P2RY11: variants seen among roughly 807,000 people sequenced by gnomAD.
P2RY11 encodes P2Y purinoceptor 11.
A neutral mutation model predicts 2.4 loss-of-function variants in P2RY11; 3 were observed. That is an observed-to-expected ratio of 1.22 (90% CI 0.56 to 3.17). The LOEUF (loss-of-function observed/expected upper bound fraction) is 3.17, where lower values mean the gene tolerates loss of function less well. P2RY11 is among the 30% of genes most tolerant of loss of function. The pLI is 0.03. For synonymous variants in P2RY11, 307 were observed against 237.3 expected, an observed-to-expected ratio of 1.29 and a Z score of -2.70; for missense variants, 670 against 528.2, an observed-to-expected ratio of 1.27 and a Z score of -2.63.
chr19:10,113,104 C>T (rs926037871), intron 1 of P2RY11, among the ~76,000 whole-genome samples: 1 of 152,082 alleles, frequency 6.6e-6, no homozygotes, highest in Non-Finnish European at 1.5e-5. Context: ...TGGGGTGAGT[C>T]TGGCTTTTTG....
chr19:10,114,385 G>T lies in P2RY11; in HGVS notation c.772G>T (p.Ala258Ser), dbSNP rs1231853630. 6.2e-7 allele frequency: 1 copy of T among 1,608,446 alleles called. No individual in the cohort carries two copies. Residue 258 changes from alanine (A) to serine (S), a missense_variant, in exon 2 of 2, where the codon GCC becomes TCC. Ala to Ser is a moderately conservative substitution (Grantham distance 99, BLOSUM62 1). Coordinates refer to ENST00000321826, the MANE Select transcript of P2RY11 (RefSeq NM_002566.5). Reference sequence around the variant, plus strand: ...GGTGGCCAGTGGTGTGGCCCTCTACGCCAGCTCCTATGTGCCCTACCACAT... The same window carrying T: ...GGTGGCCAGTGGTGTGGCCCTCTACTCCAGCTCCTATGTGCCCTACCACAT... ...ALVASGVALY[A>S]SSYVPYHIMR...
Position 10,114,952 on chromosome 19 carries a change from A to G in P2RY11, c.*214A>G. 7.1e-7 allele frequency: 1 copy of G among 1,399,676 alleles called. No individual in the cohort carries two copies. The allele number at this position is 1,399,676 out of a possible 1,614,324, so 86.7% of individuals were successfully genotyped here. On this transcript the variant is annotated 3_prime_UTR_variant, in exon 2 of 2. Transcript: ENST00000321826. ...CAGGGTCAGGGACCAGACCACGCCC[A>G]GAGGAGGGGAGGCACTGGCCCCCGC...
intron 1 of P2RY11, 97 bp downstream of exon 1, chr19:10,111,837 C>T (rs2089090419): frequency 4.3e-6 from 6 of 1,391,676 alleles, no homozygotes; most frequent in Non-Finnish European, 6.0e-6. Flanking sequence ...TGGGGCTGGG[C>T]ACGGTGGCTC....
intron 1 of P2RY11, among the ~76,000 whole-genome samples, chr19:10,113,008 G>A (rs1202392932): frequency 6.6e-6 from 1 of 152,116 alleles, no homozygotes; most frequent in Non-Finnish European, 1.5e-5. Context: ...GGAAGCCTGG[G>A]TGGGCTGGTG....
rs1599324309 is a variant in P2RY11 at position 10,115,333 on chromosome 19, T to G, written c.*595T>G. ...CAAGAGCTGCCACCCCTCTGCCCGG[T>G]TTTGGAAAAAAACAATAAAGGACTG... On this transcript the variant is annotated 3_prime_UTR_variant, in exon 2 of 2. Coordinates refer to ENST00000321826, the MANE Select transcript of P2RY11 (RefSeq NM_002566.5). 1 of 1,165,166 alleles carries G rather than the reference T, an allele frequency of 8.6e-7. No homozygotes were observed. Among genetic ancestry groups the G allele is most frequent in the South Asian group, 1.6e-5 (1 of 62,966 alleles). 72.2% of individuals were successfully genotyped at this position (1,165,166 alleles called of 1,614,324 possible).
chr19:10,115,246 G>T lies in P2RY11; in HGVS notation c.*508G>T. The T allele has an allele frequency of 2.2e-6, 3 of 1,366,996 alleles. No homozygotes were observed. In the South Asian group the frequency reaches 4.1e-5, roughly 19 times the overall value. 84.7% of individuals were successfully genotyped at this position (1,366,996 alleles called of 1,614,324 possible). A position where few individuals can be genotyped will look rare whatever the true frequency, so the allele number is the denominator to read the frequency against. ...GGACGGGGTAATGTGAGGACGAAGC[G>T]GGCACGGAGCCAGATGGCCAGTCTC... On this transcript the variant is annotated 3_prime_UTR_variant, in exon 2 of 2. Transcript: ENST00000321826.
At chr19:10,112,778 T>C (rs2089135298) in intron 1 of P2RY11, among the ~76,000 whole-genome samples, 1 of 152,068 alleles carries the variant, frequency 6.6e-6, no homozygotes, top group Non-Finnish European at 1.5e-5. Flanking sequence ...CTACTAAAAA[T>C]GCAAAATTTA....
intron 1 of P2RY11, chr19:10,111,961 T>C (rs1044055263): frequency 3.8e-6 from 2 of 522,714 alleles, no homozygotes; most frequent in Non-Finnish European, 3.5e-6. Flanking sequence ...AATAAAAAAA[T>C]TAGCTGGGCC....
intron 1 of P2RY11, chr19:10,112,134 T>G: frequency 5.3e-6 from 1 of 190,416 alleles, no homozygotes; most frequent in Non-Finnish European, 1.1e-5. Flanking sequence ...AGGTCAAGGC[T>G]GGGTGTGGTG....
chr19:10,115,175 C>T lies in P2RY11; in HGVS notation c.*437C>T, dbSNP rs373314436. ...AGGTATAAGACTTCTGGGGGCACCC[C>T]AAGACCCCAGACACCCAAGTGGCAT... On this transcript the variant is annotated 3_prime_UTR_variant, in exon 2 of 2. Coordinates refer to ENST00000321826, the MANE Select transcript of P2RY11 (RefSeq NM_002566.5). The T allele has an allele frequency of 6.2e-7, 1 of 1,609,030 alleles. No individual in the cohort carries two copies. Among genetic ancestry groups the T allele is most frequent in the Non-Finnish European group, 8.5e-7 (1 of 1,177,646 alleles).
intron 1 of P2RY11, chr19:10,112,045 G>C (rs955333439): frequency 3.0e-6 from 1 of 332,394 alleles, no homozygotes; most frequent in East Asian, 7.1e-5. Context: ...GGGAGGCGGA[G>C]GTTGCCATGA....
At chr19:10,112,770 A>C (rs1245162145) in intron 1 of P2RY11, among the ~76,000 whole-genome samples, 1 of 152,116 alleles carries the variant, frequency 6.6e-6, no homozygotes, top group Non-Finnish European at 1.5e-5. Flanking sequence ...CCCCATCTCT[A>C]CTAAAAATGC....
rs1229239323 is a variant in P2RY11 at position 10,113,659 on chromosome 19, T to G, written c.46T>G (p.Leu16Val). The G allele has an allele frequency of 1.9e-6, 3 of 1,612,390 alleles. No individual in the cohort carries two copies. The stretch of plus-strand genomic sequence containing the variant: ...TGCCAAGTCCTGCCCTGCCAACTTC[T>G]TGGCAGCTGCCGACGACAAACTCAG... ...SGAKSCPANF[L>V]AAADDKLSGF... Residue 16 changes from leucine to valine, a missense_variant, in exon 2 of 2, where the codon TTG (leucine) becomes GTG (valine). Coordinates refer to ENST00000321826, the MANE Select transcript of P2RY11 (RefSeq NM_002566.5).
At position 10,115,195 on chromosome 19, in the gene P2RY11, T is replaced by A. The variant is rs1453244102; in HGVS notation, c.*457T>A. ...CACCCCAAGACCCCAGACACCCAAG[T>A]GGCATCTTGGGGGTGGGTGGGCAGA... On this transcript the variant is annotated 3_prime_UTR_variant, in exon 2 of 2. Transcript: ENST00000321826. 2 of 1,587,492 alleles carry A rather than the reference T, an allele frequency of 1.3e-6. No individual in the cohort carries two copies. The highest frequency in any genetic ancestry group is 1.7e-6 in the Non-Finnish European group (2 of 1,163,344).
rs139458920 is a variant in P2RY11 at position 10,113,847 on chromosome 19, C to T, written c.234C>T (p.Cys78=). The stretch of plus-strand genomic sequence containing the variant: ...AGCTGGCAGTCAGCGACCTGCTCTG[C>T]GCCCTGACGCTGCCCCCGCTGGCCG... ...SVQLAVSDLL[C]ALTLPPLAAY... Residue 78 remains cysteine, a synonymous_variant, in exon 2 of 2, where the codon TGC becomes TGT. Coordinates refer to ENST00000321826, the MANE Select transcript of P2RY11 (RefSeq NM_002566.5). The T allele has an allele frequency of 2.7e-3, 4,321 of 1,612,872 alleles. 29 individuals are homozygous for T. The highest frequency in any genetic ancestry group is 2.9e-3 in the Non-Finnish European group (3,404 of 1,179,570).
At position 10,114,693 on chromosome 19, in the gene P2RY11, C is replaced by A. The variant is rs367750129; in HGVS notation, c.1080C>A (p.Ala360=). 6.8e-6 allele frequency: 11 copies of A among 1,612,562 alleles called. No individual in the cohort carries two copies. The Admixed American group carries it at 1.8e-4, about 27-fold the overall frequency. The change falls in exon 2 of 2, where the codon GCC becomes GCA. Residue 360 remains alanine (A), a synonymous_variant. Coordinates refer to ENST00000321826, the MANE Select transcript of P2RY11 (RefSeq NM_002566.5). ...AAGCCCTGCCCCTCAATGCCACAGC[C>A]GCCCCTAAACCGTCAGAGCCCCAGT... is the stretch of plus-strand genomic sequence containing the variant. The part of the protein sequence containing the change: ...TGQALPLNAT[A]APKPSEPQSR...
intron 1 of P2RY11, chr19:10,112,275 C>T (rs974598499): frequency 6.5e-6 from 1 of 152,916 alleles, no homozygotes; most frequent in African/African-American, 2.4e-5. Flanking sequence ...AATCCTGTCT[C>T]CAAAAAAAAG....
At chr19:10,113,518 G>A (rs2089163614) in intron 1 of P2RY11, 115 bp from the exon 2 acceptor site, 1 of 1,459,356 alleles carries the variant, frequency 6.9e-7, no homozygotes, top group Non-Finnish European at 9.2e-7. Context: ...CCCCTCCAGG[G>A]AGGGGAAAGA....
In P2RY11 at chr19:10,114,905, G is replaced by A; in HGVS notation, c.*167G>A. ...GGAGCAGTCGCCTTTCCCACCCACA[G>A]CGCTGGCCACAGGGCTCCCTGCAGG... On this transcript the variant is annotated 3_prime_UTR_variant, in exon 2 of 2. Coordinates refer to ENST00000321826, the MANE Select transcript of P2RY11 (RefSeq NM_002566.5). The A allele has an allele frequency of 7.1e-7, 1 of 1,403,494 alleles. No homozygotes were observed. Among genetic ancestry groups the A allele is most frequent in the South Asian group, 1.3e-5 (1 of 74,680 alleles). The allele number at this position is 1,403,494 out of a possible 1,614,324, so 86.9% of individuals were successfully genotyped here.
Sources: allele counts gnomAD v4.1 joint callset (sites outside exome capture counted in the v4.1 genomes callset), GRCh38; gene constraint gnomAD v4.1.1; transcripts MANE v1.5; gene names NCBI Gene and HGNC (gene_info 2026-07-23, HGNC 2026-07-21).